Variants in KIT observed in about 807,000 individuals in gnomAD.
KIT encodes mast/stem cell growth factor receptor Kit.
KIT carries 16 observed loss-of-function variants against 105.7 expected under a neutral mutation model. The observed-to-expected ratio is 0.15, with a 90% confidence interval of 0.10 to 0.23. The LOEUF is 0.23. Among genes scored for constraint, KIT ranks in the 10% least tolerant of loss-of-function variants. The probability of loss-of-function intolerance (pLI) is 1.00; values close to 1 mark genes in which losing one functional copy is unlikely to be tolerated. For missense variants in KIT, 858 were observed against 1,213.8 expected (o/e 0.71, Z 4.36); for synonymous variants, 438 against 441.1 (o/e 0.99, Z 0.09).
intron 8 of KIT, among the ~76,000 whole-genome samples, chr4:54,724,702 C>T (rs960509141): frequency 6.6e-6 from 1 of 151,146 alleles, no homozygotes; most frequent in Non-Finnish European, 1.5e-5. Flanking sequence ...TGGAAGAAGA[C>T]GACTGTCTTA....
Position 54,684,130 on chromosome 4 carries a change from A to G in KIT, c.68-11382A>G, listed in dbSNP as rs368556569. 2.0e-3 allele frequency among the ~76,000 whole-genome samples: 309 copies of G among 151,288 alleles called. 2 individuals are homozygous for G. The highest frequency in any genetic ancestry group is 7.0e-3 in the African/African-American group (290 of 41,426). ...AGCAGAGGCAGGAAGGGCCCAAACC[A>G]CAGGTGAATCCACCCAGGTTGAACG... On this transcript the variant is annotated intron_variant, in intron 1 of 20. Coordinates refer to ENST00000288135, the MANE Select transcript of KIT (RefSeq NM_000222.3).
chr4:54,726,247 A>G (rs1722210630), intron 9 of KIT, among the ~76,000 whole-genome samples, 197 bp downstream of exon 9: 1 of 152,168 alleles, frequency 6.6e-6, no homozygotes, highest in Admixed American at 6.5e-5. Flanking sequence ...AATTTTAACC[A>G]TGCTACTTTA....
At chr4:54,666,542 TG>T in intron 1 of KIT, among the ~76,000 whole-genome samples, 1 of 152,292 alleles carries the variant, frequency 6.6e-6, no homozygotes, top group South Asian at 2.1e-4. Context: ...CCTCCCAAAG[TG>T]CTGGGATTAC....
intron 1 of KIT, among the ~76,000 whole-genome samples, chr4:54,665,732 A>C (rs1195010539): frequency 6.6e-6 from 1 of 152,090 alleles, no homozygotes; most frequent in Non-Finnish European, 1.5e-5. Flanking sequence ...TGCTGGGTTT[A>C]TTCATTGATT....
At position 54,661,820 on chromosome 4, in the gene KIT, A is replaced by G. The variant is rs192614623; in HGVS notation, c.67+3739A>G. Among the ~76,000 whole-genome samples, 300 of 152,298 alleles carry G rather than the reference A, an allele frequency of 2.0e-3. 1 individual carries two copies. The highest frequency in any genetic ancestry group is 6.4e-3 in the African/African-American group (266 of 41,564). On this transcript the variant is annotated intron_variant, in intron 1 of 20. Coordinates refer to ENST00000288135, the MANE Select transcript of KIT (RefSeq NM_000222.3). ...TCCAGTGTAAATCTTTGTTGTACTT[A>G]GAGAGGAATTGAGTTGAGTCATAGA...
At chr4:54,673,979 C>T (rs547681145) in intron 1 of KIT, among the ~76,000 whole-genome samples, 46 of 152,264 alleles carry the variant, frequency 3.0e-4, no homozygotes, top group African/African-American at 1.1e-3. Flanking sequence ...CCATGTTGGC[C>T]AGACTGGTCT....
intron 7 of KIT, among the ~76,000 whole-genome samples, chr4:54,717,624 C>A (rs551793011): frequency 6.6e-6 from 1 of 152,248 alleles, no homozygotes; most frequent in South Asian, 2.1e-4. Flanking sequence ...TGGAGATTTT[C>A]TTTTCAGTTG....
intron 1 of KIT, among the ~76,000 whole-genome samples, chr4:54,668,299 G>T (rs1717846219): frequency 6.6e-6 from 1 of 152,164 alleles, no homozygotes; most frequent in Non-Finnish European, 1.5e-5. Context: ...GATAGCACTT[G>T]CCAGTAGTGA....
At chr4:54,662,978 T>A (rs1560370521) in intron 1 of KIT, among the ~76,000 whole-genome samples, 1 of 150,714 alleles carries the variant, frequency 6.6e-6, no homozygotes, top group Non-Finnish European at 1.5e-5. Context: ...CTTGAACTTT[T>A]TTTTTCTCCA....
intron 2 of KIT, 140 bp from the exon 3 acceptor site, chr4:54,698,144 A>C: frequency 1.3e-6 from 1 of 779,542 alleles, no homozygotes; most frequent in Non-Finnish European, 2.2e-6. Context: ...TAGATGGATA[A>C]ATTTTGCTTT....
At chr4:54,706,548 T>C (rs1720805233) in intron 5 of KIT, among the ~76,000 whole-genome samples, 1 of 152,136 alleles carries the variant, frequency 6.6e-6, no homozygotes, top group Admixed American at 6.5e-5. Context: ...TTCCCCTCTG[T>C]AGAAATTTCA....
intron 7 of KIT, among the ~76,000 whole-genome samples, chr4:54,711,287 T>C (rs573650105): frequency 3.3e-5 from 5 of 152,376 alleles, no homozygotes; most frequent in Non-Finnish European, 7.3e-5. Context: ...ACAGATTTTT[T>C]ATTGCTAATC....
Position 54,657,984 on chromosome 4 carries a change from C to G in KIT, c.-31C>G, listed in dbSNP as rs748489564. The G allele has an allele frequency of 6.2e-7, 1 of 1,609,710 alleles. No homozygotes were observed. The highest frequency in any genetic ancestry group is 1.7e-5 in the Admixed American group (1 of 59,908). ...ACTTGGGCGAGAGCTGGAACGTGGA[C>G]CAGAGCTCGGATCCCATCGCAGCTA... On this transcript the variant is annotated 5_prime_UTR_variant, in exon 1 of 21. Transcript: ENST00000288135.
chr4:54,681,045 T>C (rs1382756659), intron 1 of KIT, among the ~76,000 whole-genome samples: 1 of 152,174 alleles, frequency 6.6e-6, no homozygotes, highest in African/African-American at 2.4e-5. Context: ...ACCTTTGCCA[T>C]GCTCTTTTGA....
At chr4:54,734,389 A>T (rs548615631) in intron 17 of KIT, among the ~76,000 whole-genome samples, 1 of 152,208 alleles carries the variant, frequency 6.6e-6, no homozygotes, top group Non-Finnish European at 1.5e-5. Context: ...TCAGAAAGTT[A>T]TGAGTTAATA....
At chr4:54,722,168 T>C (rs1386970732) in intron 7 of KIT, among the ~76,000 whole-genome samples, 6 of 152,074 alleles carry the variant, frequency 3.9e-5, no homozygotes. Context: ...GTGTTTTTAG[T>C]AGAGATGCGG....
intron 7 of KIT, among the ~76,000 whole-genome samples, chr4:54,718,601 T>C (rs956202523): frequency 2.0e-5 from 3 of 152,244 alleles, no homozygotes; most frequent in African/African-American, 7.2e-5. Flanking sequence ...AAAGACCTTA[T>C]GGCCCACAAA....
chr4:54,666,892 A>G (rs529673338), intron 1 of KIT, among the ~76,000 whole-genome samples: 1 of 152,212 alleles, frequency 6.6e-6, no homozygotes, highest in Non-Finnish European at 1.5e-5. Flanking sequence ...GGCTATATTG[A>G]TAACAGCAAG....
chr4:54,721,371 CT>C (rs1307913994), intron 7 of KIT, among the ~76,000 whole-genome samples: 1 of 152,182 alleles, frequency 6.6e-6, no homozygotes, highest in African/African-American at 2.4e-5. Context: ...CTGCTGATTT[CT>C]TGTGTCGTGT....
Sources: gnomAD v4.1 joint callset for allele counts (sites outside exome capture counted in the v4.1 genomes callset) on GRCh38, gnomAD v4.1.1 for gene constraint, MANE v1.5 for transcripts, NCBI Gene and HGNC (gene_info 2026-07-23, HGNC 2026-07-21) for gene names.